The following MALRD1 variants were observed in gnomAD, a reference collection of about 807,000 sequenced individuals.
MALRD1 encodes MAM and LDL-receptor class A domain-containing protein 1.
In MALRD1, 247 loss-of-function variants were observed where a neutral mutation model predicts 242.1. The ratio of observed to expected loss-of-function variants is 1.02; its 90% CI spans 0.92 to 1.13. MALRD1 has a LOEUF of 1.13. Ranked by LOEUF, MALRD1 falls within the 50% of genes most tolerant of loss-of-function variation. The probability of loss-of-function intolerance (pLI) is 0.00; values close to 1 mark genes in which losing one functional copy is unlikely to be tolerated. For missense variants in MALRD1, 2,989 were observed against 2,533.1 expected (o/e 1.18, Z -3.86); for synonymous variants, 995 against 866.6 (o/e 1.15, Z -2.60).
intron 21 of MALRD1, among the ~76,000 whole-genome samples, chr10:19,287,711 T>C (rs1293010175): frequency 6.6e-6 from 1 of 152,264 alleles, no homozygotes; most frequent in East Asian, 1.9e-4. Context: ...ATTTAAAAAC[T>C]ATACCATATA....
intron 36 of MALRD1, among the ~76,000 whole-genome samples, chr10:19,617,999 G>C (rs546336885): frequency 6.6e-6 from 1 of 151,910 alleles, no homozygotes; most frequent in East Asian, 1.9e-4. Context: ...TGCTTCAGTA[G>C]TCCCCAGTGT....
At chr10:19,209,816 T>C in intron 18 of MALRD1, 136 bp downstream of exon 18, 2 of 884,464 alleles carry the variant, frequency 2.3e-6, no homozygotes, top group Admixed American at 3.2e-5. Context: ...TATCATTTAT[T>C]TGAGGGTGTA....
chr10:19,649,393 G>A (rs1014102990), intron 36 of MALRD1, among the ~76,000 whole-genome samples: 5 of 152,130 alleles, frequency 3.3e-5, no homozygotes, highest in Non-Finnish European at 4.4e-5. Context: ...AACTTCACCA[G>A]CATCTGTTAT....
At chr10:19,490,224 CT>C (rs937135250) in intron 29 of MALRD1, among the ~76,000 whole-genome samples, 48 of 152,076 alleles carry the variant, frequency 3.2e-4, no homozygotes, top group African/African-American at 8.9e-4. Flanking sequence ...ATCTTTTTAT[CT>C]TTTTTTCCTT....
chr10:19,459,234 G>C (rs990545804), intron 29 of MALRD1, among the ~76,000 whole-genome samples: 4 of 152,112 alleles, frequency 2.6e-5, no homozygotes, highest in Admixed American at 1.3e-4. Context: ...TAGTCTAAAG[G>C]TGTTAACCAA....
At chr10:19,154,555 G>A (rs1834063773) in intron 11 of MALRD1, among the ~76,000 whole-genome samples, 1 of 152,248 alleles carries the variant, frequency 6.6e-6, no homozygotes, top group Admixed American at 6.5e-5. Flanking sequence ...CACATCCGTC[G>A]TAGTTAAAAT....
chr10:19,274,845 A>G (rs1475546780), intron 19 of MALRD1, among the ~76,000 whole-genome samples: 3 of 150,544 alleles, frequency 2.0e-5, no homozygotes, highest in Admixed American at 6.8e-5. Context: ...AAGGGGAACA[A>G]GTGTTTAATG....
chr10:19,280,200 A>G lies in MALRD1; in HGVS notation c.3233A>G (p.Asp1078Gly). The G allele has an allele frequency of 6.6e-7, 1 of 1,517,580 alleles. No individual in the cohort carries two copies. Among genetic ancestry groups the G allele is most frequent in the Non-Finnish European group, 8.8e-7 (1 of 1,135,686 alleles). 94.0% of individuals were successfully genotyped at this position (1,517,580 alleles called of 1,614,324 possible). A position where few individuals can be genotyped will look rare whatever the true frequency, so the allele number is the denominator to read the frequency against. Residue 1078 changes from aspartate (D) to glycine (G), a missense_variant, in exon 20 of 40, where the codon GAC (aspartate) becomes GGC (glycine). By Grantham distance (94) the Asp-to-Gly change is moderately conservative (BLOSUM62 -1). Transcript: ENST00000454679. ...TGTGATTTTAAATATGACTGCCCTG[A>G]CAAATCAGATGAAGCATCCTGTGGT... ...QKCDFKYDCP[D>G]KSDEASCVME...
chr10:19,535,328 T>C (rs1352438907), intron 32 of MALRD1, among the ~76,000 whole-genome samples: 2 of 152,104 alleles, frequency 1.3e-5, no homozygotes, highest in African/African-American at 2.4e-5. Flanking sequence ...TAATTAGTGA[T>C]AAAAAGAAAT....
At chr10:19,290,223 T>C (rs568600430) in intron 21 of MALRD1, 5 of 152,344 alleles carry the variant, frequency 3.3e-5, no homozygotes, top group South Asian at 4.1e-4. Flanking sequence ...CTCTGTGATA[T>C]AAATTTAAGA....
intron 26 of MALRD1, among the ~76,000 whole-genome samples, chr10:19,361,495 A>G (rs1275904832): frequency 1.3e-5 from 2 of 152,164 alleles, no homozygotes; most frequent in African/African-American, 2.4e-5. Context: ...TTTCACTGCT[A>G]TCTTGTGGTT....
intron 5 of MALRD1, among the ~76,000 whole-genome samples, chr10:19,104,762 G>T (rs1049310342): frequency 6.6e-6 from 1 of 152,056 alleles, no homozygotes; most frequent in East Asian, 1.9e-4. Context: ...AAGCTTCTGA[G>T]TTCAGTTTGG....
intron 24 of MALRD1, among the ~76,000 whole-genome samples, chr10:19,345,669 G>A (rs558719829): frequency 2.6e-5 from 4 of 152,020 alleles, no homozygotes; most frequent in South Asian, 2.1e-4. Context: ...GACAGAAAAT[G>A]TATCTCTATC....
chr10:19,667,274 A>G (rs750955846), intron 36 of MALRD1, among the ~76,000 whole-genome samples: 12 of 151,992 alleles, frequency 7.9e-5, no homozygotes, highest in Non-Finnish European at 1.3e-4. Context: ...TGGGCAACAT[A>G]TGGAGATCTC....
At chr10:19,231,792 G>T (rs1231114711) in intron 18 of MALRD1, among the ~76,000 whole-genome samples, 1 of 151,848 alleles carries the variant, frequency 6.6e-6, no homozygotes, top group Non-Finnish European at 1.5e-5. Context: ...AACTAGTACA[G>T]TCTGTTCTGT....
At chr10:19,714,419 C>T (rs1564563385) in intron 38 of MALRD1, among the ~76,000 whole-genome samples, 1 of 152,090 alleles carries the variant, frequency 6.6e-6, no homozygotes, top group African/African-American at 2.4e-5. Context: ...GGGTGTTCTT[C>T]CACCAGAGTG....
At chr10:19,521,526 G>A (rs989006165) in intron 31 of MALRD1, among the ~76,000 whole-genome samples, 2 of 152,028 alleles carry the variant, frequency 1.3e-5, no homozygotes, top group African/African-American at 4.8e-5. Context: ...CTTCCTTGGT[G>A]CCCTTCAATC....
At chr10:19,243,814 G>C (rs747367712) in intron 18 of MALRD1, among the ~76,000 whole-genome samples, 1 of 152,132 alleles carries the variant, frequency 6.6e-6, no homozygotes, top group Non-Finnish European at 1.5e-5. Context: ...CAGAAGCCTA[G>C]GAAGTGGAGT....
chr10:19,343,919 G>A (rs767728839), intron 24 of MALRD1, among the ~76,000 whole-genome samples: 1 of 152,072 alleles, frequency 6.6e-6, no homozygotes, highest in Non-Finnish European at 1.5e-5. Context: ...CCAATAGCTT[G>A]TAATGTTGAA....
Sources: allele counts gnomAD v4.1 joint callset (sites outside exome capture counted in the v4.1 genomes callset), GRCh38; gene constraint gnomAD v4.1.1; transcripts MANE v1.5; gene names NCBI Gene and HGNC (gene_info 2026-07-23, HGNC 2026-07-21).